Variants in ZBTB7C observed in about 807,000 individuals in gnomAD.
ZBTB7C encodes zinc finger and BTB domain-containing protein 7C.
A neutral mutation model predicts 25.7 loss-of-function variants in ZBTB7C; 8 were observed. That is an observed-to-expected ratio of 0.31 (90% CI 0.18 to 0.56). ZBTB7C has a LOEUF of 0.56. Among genes scored for constraint, ZBTB7C ranks in the 20% least tolerant of loss-of-function variants. The pLI is 0.91. For synonymous variants in ZBTB7C, 394 were observed against 369.0 expected (o/e 1.07, Z -0.78); for missense variants, 824 against 855.2 (o/e 0.96, Z 0.46).
chr18:48,322,724 C>T (rs10775485), intron 2 of ZBTB7C, among the ~76,000 whole-genome samples: 76,563 of 152,004 alleles, frequency 0.5, 19,711 homozygotes, highest in East Asian at 0.78. Flanking sequence ...TAAGTCATTA[C>T]ACAAAAAAGA....
At chr18:48,402,472 A>G (rs1456084629) in intron 1 of ZBTB7C, among the ~76,000 whole-genome samples, 4 of 152,218 alleles carry the variant, frequency 2.6e-5, no homozygotes, top group African/African-American at 9.6e-5. Context: ...GGTGAGCATG[A>G]GAGGCATGTT....
chr18:48,168,278 T>C (rs2041340010), intron 3 of ZBTB7C, among the ~76,000 whole-genome samples: 1 of 152,214 alleles, frequency 6.6e-6, no homozygotes, highest in Admixed American at 6.5e-5. Context: ...CCTCCTGGGA[T>C]CCCTGCACCA....
chr18:48,189,762 G>A (rs889217194), intron 2 of ZBTB7C, among the ~76,000 whole-genome samples: 5 of 152,080 alleles, frequency 3.3e-5, no homozygotes, highest in South Asian at 2.1e-4. Context: ...GACCTGGCTC[G>A]CCTTGCTCTC....
intron 3 of ZBTB7C, among the ~76,000 whole-genome samples, chr18:48,113,506 G>A (rs2039319166): frequency 6.6e-6 from 1 of 152,354 alleles, no homozygotes; most frequent in East Asian, 1.9e-4. Context: ...GAGGCCAGGG[G>A]CAGGAGGTGC....
At chr18:48,177,676 T>G (rs2041730005) in intron 3 of ZBTB7C, among the ~76,000 whole-genome samples, 2 of 152,020 alleles carry the variant, frequency 1.3e-5, no homozygotes, top group South Asian at 4.1e-4. Context: ...AGAACCTGGG[T>G]CCAAGTTCTT....
At chr18:48,176,943 G>A (rs1335625738) in intron 3 of ZBTB7C, among the ~76,000 whole-genome samples, 4 of 152,124 alleles carry the variant, frequency 2.6e-5, no homozygotes, top group Non-Finnish European at 4.4e-5. Context: ...TTGACCTCTC[G>A]CGTCTCTGCT....
chr18:48,066,536 A>C (rs1365502600), intron 3 of ZBTB7C, among the ~76,000 whole-genome samples: 1 of 152,176 alleles, frequency 6.6e-6, no homozygotes, highest in Non-Finnish European at 1.5e-5. Context: ...GCAGCCACAA[A>C]ATTATAGATA....
intron 2 of ZBTB7C, among the ~76,000 whole-genome samples, chr18:48,218,155 G>A (rs187613454): frequency 1.3e-3 from 200 of 152,220 alleles, no homozygotes; most frequent in Non-Finnish European, 2.0e-3. Flanking sequence ...CAGCGTCCAC[G>A]TTCAGCTTCC....
intron 2 of ZBTB7C, among the ~76,000 whole-genome samples, chr18:48,258,857 A>C (rs898463618): frequency 6.6e-6 from 1 of 152,006 alleles, no homozygotes; most frequent in Non-Finnish European, 1.5e-5. Flanking sequence ...GGGTTTTGCT[A>C]TTTTGGCCAG....
chr18:48,161,749 T>G lies in ZBTB7C; in HGVS notation c.-17+24185A>C, dbSNP rs573008974. Reference sequence around the variant, plus strand: ...AGCCCCGCCCCGCTCCGGAGGCCCCTCCTCTATCCCCGCCCCTTCCCGGGC... The same window carrying G: ...AGCCCCGCCCCGCTCCGGAGGCCCCGCCTCTATCCCCGCCCCTTCCCGGGC... On this transcript the variant is annotated intron_variant, in intron 3 of 4. Coordinates refer to ENST00000590800, the MANE Select transcript of ZBTB7C (RefSeq NM_001318841.2). Among the ~76,000 whole-genome samples, 21 of 48,214 alleles carry G rather than the reference T, an allele frequency of 4.4e-4. No individual in the cohort carries two copies. The South Asian group carries it at 0.012, about 27-fold the overall frequency. The allele number at this position is 48,214 out of a possible 152,430, so 31.6% of individuals were successfully genotyped here. A position where few individuals can be genotyped will look rare whatever the true frequency, so the allele number is the denominator to read the frequency against.
chr18:48,119,436 G>A (rs897608927), intron 3 of ZBTB7C, among the ~76,000 whole-genome samples: 6 of 152,320 alleles, frequency 3.9e-5, no homozygotes, highest in South Asian at 2.1e-4. Flanking sequence ...GAAGACCTGC[G>A]TTCCACACAT....
chr18:48,157,936 T>C (rs912576605), intron 3 of ZBTB7C, among the ~76,000 whole-genome samples: 1 of 151,606 alleles, frequency 6.6e-6, no homozygotes, highest in East Asian at 1.9e-4. Flanking sequence ...CAACTAAGGG[T>C]GGTCATTTGG....
At chr18:48,314,618 G>A (rs1051155855) in intron 2 of ZBTB7C, among the ~76,000 whole-genome samples, 4 of 152,094 alleles carry the variant, frequency 2.6e-5, no homozygotes, top group Non-Finnish European at 5.9e-5. Context: ...TGGCAGGTAT[G>A]GGCAGTACTG....
At chr18:48,355,622 T>C (rs910881255) in intron 1 of ZBTB7C, among the ~76,000 whole-genome samples, 3 of 152,208 alleles carry the variant, frequency 2.0e-5, no homozygotes, top group South Asian at 2.1e-4. Flanking sequence ...CCAGCACCAC[T>C]GCACTGCACA....
chr18:48,110,268 C>A (rs28625290), intron 3 of ZBTB7C, among the ~76,000 whole-genome samples: 1 of 151,878 alleles, frequency 6.6e-6, no homozygotes, highest in Non-Finnish European at 1.5e-5. Flanking sequence ...TCAGTAAGGA[C>A]GCCGTGCCAC....
chr18:48,132,779 A>T (rs1262715137), intron 3 of ZBTB7C, among the ~76,000 whole-genome samples: 1 of 152,222 alleles, frequency 6.6e-6, no homozygotes, highest in South Asian at 2.1e-4. Flanking sequence ...AGAAAGACCA[A>T]CGGACCAACC....
At chr18:48,301,458 G>T (rs569878943) in intron 2 of ZBTB7C, among the ~76,000 whole-genome samples, 25 of 152,128 alleles carry the variant, frequency 1.6e-4, no homozygotes, top group African/African-American at 5.3e-4. Flanking sequence ...CAGCCTGGGC[G>T]ACAGAGTGAG....
At chr18:48,230,786 G>A (rs1387581874) in intron 2 of ZBTB7C, among the ~76,000 whole-genome samples, 1 of 152,180 alleles carries the variant, frequency 6.6e-6, no homozygotes, top group African/African-American at 2.4e-5. Context: ...GGAAGGTGCA[G>A]AGTGAGAGTG....
intron 2 of ZBTB7C, among the ~76,000 whole-genome samples, chr18:48,235,526 T>C (rs542430479): frequency 6.6e-6 from 1 of 152,304 alleles, no homozygotes; most frequent in Middle Eastern, 3.4e-3. Context: ...AAAATTAACA[T>C]TTGTTTATAT....
Sources: allele counts gnomAD v4.1 joint callset (sites outside exome capture counted in the v4.1 genomes callset), GRCh38; gene constraint gnomAD v4.1.1; transcripts MANE v1.5; gene names NCBI Gene and HGNC (gene_info 2026-07-23, HGNC 2026-07-21).